Variants in VPS13C observed in about 807,000 individuals in gnomAD.
VPS13C encodes vacuolar protein sorting 13 homolog C.
A neutral mutation model predicts 456.8 loss-of-function variants in VPS13C; 358 were observed. The ratio of observed to expected loss-of-function variants is 0.78; its 90% CI spans 0.72 to 0.86. The LOEUF is 0.86. Among genes scored for constraint, VPS13C ranks in the 40% least tolerant of loss-of-function variants. VPS13C has a pLI of 0.00. For synonymous variants in VPS13C, 1,578 were observed against 1,486.7 expected (o/e 1.06, Z -1.41); for missense variants, 4,818 against 4,385.4 (o/e 1.10, Z -2.79).
intron 66 of VPS13C, among the ~76,000 whole-genome samples, chr15:61,903,548 A>G (rs920271153): frequency 1.8e-4 from 27 of 152,334 alleles, no homozygotes; most frequent in African/African-American, 6.5e-4. Context: ...ATGGTTTATA[A>G]GAATTTAATA....
chr15:62,020,630 C>T, intron 8 of VPS13C, 92 bp from the exon 9 acceptor site: 3 of 1,273,410 alleles, frequency 2.4e-6, no homozygotes, highest in Non-Finnish European at 3.3e-6. Context: ...AATGTGTTTA[C>T]AGGTTAAGCC....
intron 35 of VPS13C, 138 bp downstream of exon 35, chr15:61,961,449 ATG>A: frequency 1.4e-6 from 1 of 725,140 alleles, no homozygotes; most frequent in African/African-American, 1.8e-5. Flanking sequence ...ACACAAAACA[ATG>A]ACAACAATAA....
chr15:61,857,276 A>G (rs915769947), intron 82 of VPS13C, among the ~76,000 whole-genome samples: 2 of 152,176 alleles, frequency 1.3e-5, no homozygotes, highest in African/African-American at 4.8e-5. Flanking sequence ...GCTGTAACAG[A>G]GTGTGCAGAT....
chr15:61,999,903 GT>G (rs757717701), intron 16 of VPS13C, among the ~76,000 whole-genome samples: 20 of 51,168 alleles, frequency 3.9e-4, no homozygotes, highest in Admixed American at 2.8e-3. Flanking sequence ...CAAAGAAAAA[GT>G]AAAAAAAAAA....
rs144058002 is a variant in VPS13C, at chr15:61,893,889, A to G, written c.9106-3489T>C. Among the ~76,000 whole-genome samples the G allele has an allele frequency of 9.0e-3, 1,368 of 152,180 alleles. 19 individuals are homozygous for G. Among genetic ancestry groups the G allele is most frequent in the African/African-American group, 0.032 (1,309 of 41,490 alleles). On this transcript the variant is annotated intron_variant, in intron 66 of 84. Coordinates refer to ENST00000644861, the MANE Select transcript of VPS13C (RefSeq NM_020821.3). ...GTAAGCCTCATAGTAACCACAAAGC[A>G]AAATCCAATAATAAATATACTAAAA...
rs536790699 is a variant in VPS13C, at chr15:61,934,899, C to T, written c.5756-568G>A. 2.6e-5 allele frequency among the ~76,000 whole-genome samples: 4 copies of T among 152,100 alleles called. No homozygotes were observed. In the South Asian group the frequency reaches 6.2e-4, roughly 24 times the overall value. On this transcript the variant is annotated intron_variant, in intron 48 of 84. Transcript: ENST00000644861. ...CCAAGTAGCTGGGACTACAGGCGCC[C>T]GCCACCACTCCCGGCTAATTTTTTT...
chr15:61,957,608 A>G (rs570706180), intron 37 of VPS13C, among the ~76,000 whole-genome samples: 63 of 152,240 alleles, frequency 4.1e-4, no homozygotes, highest in Non-Finnish European at 7.5e-4. Flanking sequence ...GTAAAGTTCT[A>G]TGGAGGGCAA....
At chr15:61,960,662 G>C (rs1472327890) in intron 35 of VPS13C, among the ~76,000 whole-genome samples, 1 of 152,168 alleles carries the variant, frequency 6.6e-6, no homozygotes, top group Non-Finnish European at 1.5e-5. Context: ...TTATAGATAG[G>C]TTAAAGCAAA....
chr15:61,856,275 T>C lies in VPS13C; in HGVS notation c.11076+11A>G, dbSNP rs1893899533. ...AACTCTTAGCTCTAAAGGTGTGACA[T>C]GTTTTCTTACCTTAACTGAAATTTT... On this transcript the variant is annotated intron_variant, in intron 83 of 84. Transcript: ENST00000644861. 1 of 1,612,516 alleles carries C rather than the reference T, an allele frequency of 6.2e-7. No homozygotes were observed. Among genetic ancestry groups the C allele is most frequent in the African/African-American group, 1.3e-5 (1 of 74,840 alleles).
At chr15:61,891,496 T>C (rs570124007) in intron 66 of VPS13C, among the ~76,000 whole-genome samples, 155 of 152,366 alleles carry the variant, frequency 1.0e-3, no homozygotes, top group Admixed American at 3.3e-3. Flanking sequence ...AGGTGAATTC[T>C]GTATCTGTAA....
At position 61,911,925 on chromosome 15, in the gene VPS13C, T is replaced by C. The variant is rs746230306; in HGVS notation, c.8630A>G (p.Lys2877Arg). The C allele has an allele frequency of 6.2e-7, 1 of 1,613,014 alleles. No individual in the cohort carries two copies. Among genetic ancestry groups the C allele is most frequent in the African/African-American group, 1.3e-5 (1 of 74,906 alleles). The change falls in exon 63 of 85, where the codon AAG (lysine) becomes AGG (arginine). Residue 2877 changes from lysine to arginine, a missense_variant. Lys to Arg is a conservative substitution (Grantham distance 26). Coordinates refer to ENST00000644861, the MANE Select transcript of VPS13C (RefSeq NM_020821.3). ...TLTPFCTIAN[K>R]SSLELEVGEI... ...GCCAACTTCTAGTTCTAATGATGACTTGTTTGCAATGGTACAAAAGGGAGT... is the reference window on the plus strand; with the variant it reads ...GCCAACTTCTAGTTCTAATGATGACCTGTTTGCAATGGTACAAAAGGGAGT...
chr15:61,958,644 C>A lies in VPS13C; in HGVS notation c.4129G>T (p.Asp1377Tyr). The A allele has an allele frequency of 6.3e-7, 1 of 1,577,400 alleles. No homozygotes were observed. Among genetic ancestry groups the A allele is most frequent in the South Asian group, 1.2e-5 (1 of 84,248 alleles). ...LTENLCEGTEDLDKVKPRVQE... is the reference protein window; with the variant it reads ...LTENLCEGTEYLDKVKPRVQE... ...ACTCTTGGTTTCACTTTATCCAAGT[C>A]TTCAGTACCCTCACAGAGATTTTCT... The change falls in exon 37 of 85, where the codon GAC becomes TAC. Residue 1377 changes from aspartate to tyrosine, a missense_variant. By Grantham distance (160) the Asp-to-Tyr change is radical. This residue lies in a region of VPS13C where 4,552 missense variants were observed against 4,130.6 expected (regional missense o/e 1.10). Transcript: ENST00000644861.
At chr15:61,890,978 C>A (rs1167860619) in intron 66 of VPS13C, among the ~76,000 whole-genome samples, 4 of 152,122 alleles carry the variant, frequency 2.6e-5, no homozygotes, top group Admixed American at 2.6e-4. Context: ...ACCCAGGAGA[C>A]AGAGGTTACA....
At chr15:61,930,915 C>T (rs974410747) in intron 50 of VPS13C, among the ~76,000 whole-genome samples, 175 bp downstream of exon 50, 11 of 152,184 alleles carry the variant, frequency 7.2e-5, no homozygotes, top group Non-Finnish European at 1.5e-4. Flanking sequence ...TTTAACTTAA[C>T]CTTTAAAGCA....
Position 62,007,297 on chromosome 15 carries a change from G to A in VPS13C, c.1290+11C>T, listed in dbSNP as rs767755977. 1.2e-5 allele frequency: 19 copies of A among 1,589,090 alleles called. No individual in the cohort carries two copies. The highest frequency in any genetic ancestry group is 1.7e-4 in the Middle Eastern group (1 of 5,948). ...CAAATAATAGCTCTCACTAATATAT[G>A]CAAGATATACCTGAATTTCTTTCTG... On this transcript the variant is annotated intron_variant, in intron 15 of 84. Transcript: ENST00000644861.
At chr15:61,994,805 G>A (rs1005622931) in intron 16 of VPS13C, among the ~76,000 whole-genome samples, 1 of 152,080 alleles carries the variant, frequency 6.6e-6, no homozygotes, top group Non-Finnish European at 1.5e-5. Context: ...GGCCAGGCTG[G>A]TCTCAAACTC....
At chr15:61,988,245 T>G (rs1054399697) in intron 18 of VPS13C, among the ~76,000 whole-genome samples, 1 of 152,220 alleles carries the variant, frequency 6.6e-6, no homozygotes, top group Non-Finnish European at 1.5e-5. Context: ...TTTGGAAGGA[T>G]GGAAATGTTC....
At chr15:61,991,130 T>C (rs2046212147) in intron 17 of VPS13C, 36 bp from the exon 18 acceptor site, 1 of 1,456,322 alleles carries the variant, frequency 6.9e-7, no homozygotes, top group African/African-American at 1.4e-5. Flanking sequence ...ATTAATTGCT[T>C]CCATTTTACA....
At chr15:61,913,828 G>A (rs2043376842) in intron 61 of VPS13C, among the ~76,000 whole-genome samples, 1 of 152,130 alleles carries the variant, frequency 6.6e-6, no homozygotes, top group South Asian at 2.1e-4. Flanking sequence ...CTACATTAAA[G>A]ACATTGTGAC....
Sources: gnomAD v4.1 joint callset for allele counts (sites outside exome capture counted in the v4.1 genomes callset) on GRCh38, gnomAD v4.1.1 for gene constraint, gnomAD v4.1.1 regional missense constraint, MANE v1.5 for transcripts, NCBI Gene and HGNC (gene_info 2026-07-23, HGNC 2026-07-21) for gene names.